POU6F2: variants seen among roughly 807,000 people sequenced by gnomAD.
POU6F2 encodes POU domain, class 6, transcription factor 2.
In POU6F2, 31 loss-of-function variants were observed where a neutral mutation model predicts 71.3. The observed-to-expected ratio is 0.43, with a 90% CI of 0.33 to 0.59. POU6F2 has a LOEUF of 0.59. Ranked by LOEUF, POU6F2 falls within the 20% of genes least tolerant of loss-of-function variation. The probability of loss-of-function intolerance (pLI) is 0.04; values close to 1 mark genes in which losing one functional copy is unlikely to be tolerated. For missense variants in POU6F2, 783 were observed against 856.8 expected (o/e 0.91, Z 1.07); for synonymous variants, 347 against 355.7 (o/e 0.98, Z 0.27).
intron 4 of POU6F2, among the ~76,000 whole-genome samples, chr7:39,279,808 G>A (rs1784527576): frequency 6.6e-6 from 1 of 152,042 alleles, no homozygotes; most frequent in African/African-American, 2.4e-5. Flanking sequence ...ATACAGTAGA[G>A]CGATCTCGGC....
intron 4 of POU6F2, among the ~76,000 whole-genome samples, chr7:39,216,226 CA>C (rs1794240645): frequency 6.6e-6 from 1 of 152,156 alleles, no homozygotes; most frequent in African/African-American, 2.4e-5. Context: ...ATTAACGATA[CA>C]CTACAGAAGT....
chr7:38,989,858 A>C (rs1788560990), intron 1 of POU6F2, among the ~76,000 whole-genome samples: 1 of 150,930 alleles, frequency 6.6e-6, no homozygotes, highest in Non-Finnish European at 1.5e-5. Flanking sequence ...GAAAATTCCC[A>C]TGCGTAATTT....
intron 2 of POU6F2, among the ~76,000 whole-genome samples, chr7:39,162,153 G>A (rs1277786222): frequency 6.6e-6 from 1 of 152,168 alleles, no homozygotes; most frequent in Non-Finnish European, 1.5e-5. Flanking sequence ...AACACAGAGA[G>A]CCTAAGTGTA....
intron 1 of POU6F2, among the ~76,000 whole-genome samples, chr7:39,070,633 G>A (rs1486012031): frequency 1.3e-5 from 2 of 151,560 alleles, no homozygotes; most frequent in South Asian, 2.1e-4. Flanking sequence ...CACTAAACAG[G>A]CCTCCAGCGC....
chr7:39,446,013 C>A (rs1484576859), intron 7 of POU6F2, among the ~76,000 whole-genome samples: 1 of 152,190 alleles, frequency 6.6e-6, no homozygotes, highest in African/African-American at 2.4e-5. Flanking sequence ...AGGGTAGAGC[C>A]CAGTGATCTG....
chr7:39,419,089 ATGTG>A (rs1342069981), intron 6 of POU6F2, among the ~76,000 whole-genome samples: 1 of 75,086 alleles, frequency 1.3e-5, no homozygotes, highest in Non-Finnish European at 2.7e-5. Context: ...ATATACGTAT[ATGTG>A]TATATATACA....
chr7:39,163,394 C>T (rs919063351), intron 2 of POU6F2, among the ~76,000 whole-genome samples: 4 of 152,130 alleles, frequency 2.6e-5, no homozygotes, highest in African/African-American at 9.7e-5. Flanking sequence ...CATTATCAAG[C>T]ATTATCTGTA....
rs376392988 is a variant in POU6F2 at position 39,433,224 on chromosome 7, A to T, written c.1261A>T (p.Ile421Phe). The T allele has an allele frequency of 1.2e-6, 2 of 1,613,386 alleles. No individual in the cohort carries two copies. Among genetic ancestry groups the T allele is most frequent in the Admixed American group, 3.3e-5 (2 of 59,974 alleles). The change falls in exon 7 of 10, where the codon ATC becomes TTC. Residue 421 changes from isoleucine to phenylalanine, a missense_variant. Physicochemically the swap from Ile to Phe is conservative, Grantham distance 21 (BLOSUM62 0). This residue lies in a region of POU6F2 where 572 missense variants were observed against 572.9 expected (regional missense o/e 1.00). Transcript: ENST00000518318. ...QIIATVIGNQ[I>F]LPVINTQGIT... ...CATCGCCACAGTCATTGGGAACCAG[A>T]TCCTGCCCGTGATCAACACCCAGGG...
intron 4 of POU6F2, among the ~76,000 whole-genome samples, chr7:39,253,972 T>C (rs1484366033): frequency 1.3e-5 from 2 of 152,212 alleles, no homozygotes; most frequent in African/African-American, 4.8e-5. Context: ...ATAAGCCCAT[T>C]TGAAAGTCAG....
chr7:39,325,704 G>C (rs753328778), intron 4 of POU6F2, among the ~76,000 whole-genome samples: 1 of 152,158 alleles, frequency 6.6e-6, no homozygotes, highest in African/African-American at 2.4e-5. Flanking sequence ...TGGCCCATGT[G>C]TCTATAGTCT....
At chr7:39,251,604 C>A (rs1412812771) in intron 4 of POU6F2, among the ~76,000 whole-genome samples, 1 of 152,156 alleles carries the variant, frequency 6.6e-6, no homozygotes, top group Non-Finnish European at 1.5e-5. Flanking sequence ...AAGATGCATG[C>A]GTGTTTAATG....
In POU6F2 at chr7:39,096,561, G is replaced by A. The variant is rs369584151; in HGVS notation, c.277+10530G>A. Among the ~76,000 whole-genome samples, 4 of 152,230 alleles carry A rather than the reference G, an allele frequency of 2.6e-5. No homozygotes were observed. The East Asian group carries it at 7.7e-4, about 29-fold the overall frequency. On this transcript the variant is annotated intron_variant, in intron 2 of 9. Transcript: ENST00000518318. The stretch of plus-strand genomic sequence containing the variant: ...AGGGCTCTTATTTCACACACTTAGG[G>A]TTTTTTATCAAATGGCCCACACTCG...
chr7:39,052,944 C>G (rs1455819806), intron 1 of POU6F2, among the ~76,000 whole-genome samples: 1 of 152,054 alleles, frequency 6.6e-6, no homozygotes, highest in Non-Finnish European at 1.5e-5. Flanking sequence ...TCAGAATTTC[C>G]TGAAGGTCAG....
chr7:38,986,795 C>A (rs1562655304), intron 1 of POU6F2, among the ~76,000 whole-genome samples: 1 of 152,132 alleles, frequency 6.6e-6, no homozygotes, highest in Non-Finnish European at 1.5e-5. Flanking sequence ...TCTTATATAT[C>A]CTTCCAGAGA....
chr7:39,291,978 A>C (rs915040282), intron 4 of POU6F2, among the ~76,000 whole-genome samples: 15 of 151,428 alleles, frequency 9.9e-5, no homozygotes, highest in African/African-American at 3.2e-4. Context: ...TGGTCCAAGA[A>C]GATAAATGTT....
chr7:39,009,265 A>C (rs1789186101), intron 1 of POU6F2, among the ~76,000 whole-genome samples: 1 of 151,372 alleles, frequency 6.6e-6, no homozygotes, highest in African/African-American at 2.4e-5. Context: ...ATTCCTAAGT[A>C]TTTTATTCTC....
intron 2 of POU6F2, among the ~76,000 whole-genome samples, chr7:39,119,163 G>C (rs941859341): frequency 6.6e-6 from 1 of 152,172 alleles, no homozygotes; most frequent in African/African-American, 2.4e-5. Flanking sequence ...CCACACAGGG[G>C]AGGCAAGGTC....
At chr7:39,403,958 G>T (rs1787361694) in intron 5 of POU6F2, among the ~76,000 whole-genome samples, 1 of 152,184 alleles carries the variant, frequency 6.6e-6, no homozygotes, top group African/African-American at 2.4e-5. Flanking sequence ...AGGAACAGCA[G>T]GGCATCTCCC....
At chr7:39,157,440 A>T (rs554774142) in intron 2 of POU6F2, among the ~76,000 whole-genome samples, 18 of 152,288 alleles carry the variant, frequency 1.2e-4, no homozygotes, top group African/African-American at 3.9e-4. Flanking sequence ...CGATTTTTTA[A>T]AAATACATTT....
Sources: gnomAD v4.1 joint callset for allele counts (sites outside exome capture counted in the v4.1 genomes callset) on GRCh38, gnomAD v4.1.1 for gene constraint, gnomAD v4.1.1 regional missense constraint, MANE v1.5 for transcripts, NCBI Gene and HGNC (gene_info 2026-07-23, HGNC 2026-07-21) for gene names.